The following ANKRD30B variants were observed in gnomAD, a reference collection of about 807,000 sequenced individuals.
ANKRD30B encodes the protein ankyrin repeat domain-containing protein 30B.
Under a neutral mutation model 202.2 loss-of-function variants are expected in ANKRD30B, and 144 were observed. That is an observed-to-expected ratio of 0.71 (90% CI 0.62 to 0.82). ANKRD30B has a LOEUF of 0.82. Among genes scored for constraint, ANKRD30B ranks in the 40% least tolerant of loss-of-function variants. ANKRD30B has a pLI of 0.00. For missense variants in ANKRD30B, 1,487 were observed against 1,669.1 expected, an observed-to-expected ratio of 0.89 and a Z score of 1.90; for synonymous variants, 508 against 561.3, an observed-to-expected ratio of 0.91 and a Z score of 1.34.
intron 3 of ANKRD30B, 80 bp downstream of exon 3, chr18:14,753,092 T>A: frequency 5.2e-6 from 6 of 1,143,710 alleles, no homozygotes; most frequent in Non-Finnish European, 4.7e-6. Flanking sequence ...CTTTTATATT[T>A]GGAAACACAA....
At chr18:14,869,218 C>A in the ANKRD30B span, among the ~76,000 whole-genome samples, 1 of 152,092 alleles carries the variant, frequency 6.6e-6, no homozygotes, top group Non-Finnish European at 1.5e-5. Flanking sequence ...ATTTTGTCTC[C>A]TTTTCCAGTT....
At chr18:14,834,974 T>A (rs2143124645) in intron 34 of ANKRD30B, among the ~76,000 whole-genome samples, 1 of 152,130 alleles carries the variant, frequency 6.6e-6, no homozygotes, top group South Asian at 2.1e-4. Flanking sequence ...ATTCTTTGGT[T>A]TCTGGTTTAA....
chr18:14,931,992 A>C, the ANKRD30B span, among the ~76,000 whole-genome samples: 2 of 20,266 alleles, frequency 9.9e-5, no homozygotes, highest in Non-Finnish European at 1.9e-4. Flanking sequence ...CAGGCCCCCC[A>C]CCCCACCTCC....
intron 16 of ANKRD30B, among the ~76,000 whole-genome samples, chr18:14,792,358 T>G (rs1411790900): frequency 6.6e-6 from 1 of 151,984 alleles, no homozygotes; most frequent in African/African-American, 2.4e-5. Context: ...TTGAGTATGT[T>G]TTTAGTTAGG....
At chr18:14,798,362 G>A (rs893449407) in intron 20 of ANKRD30B, among the ~76,000 whole-genome samples, 2 of 152,062 alleles carry the variant, frequency 1.3e-5, no homozygotes, top group Non-Finnish European at 1.5e-5. Flanking sequence ...ACAGTACACA[G>A]GGATAAGAAT....
chr18:14,910,600 T>C, the ANKRD30B span, among the ~76,000 whole-genome samples: 1 of 151,546 alleles, frequency 6.6e-6, no homozygotes, highest in Non-Finnish European at 1.5e-5. Flanking sequence ...AAGAGCAAGT[T>C]TTTTTTTGAT....
chr18:14,806,009 A>G (rs1294948543), intron 24 of ANKRD30B, among the ~76,000 whole-genome samples: 1 of 150,436 alleles, frequency 6.6e-6, no homozygotes, highest in Non-Finnish European at 1.5e-5. Context: ...TCACGAGGTC[A>G]GGAGATCCAG....
intron 34 of ANKRD30B, among the ~76,000 whole-genome samples, chr18:14,835,464 T>G (rs902357284): frequency 1.3e-5 from 2 of 151,652 alleles, no homozygotes; most frequent in Non-Finnish European, 3.0e-5. Flanking sequence ...CCAGGAAGCC[T>G]TATTAACTTT....
chr18:14,935,003 C>T, the ANKRD30B span, among the ~76,000 whole-genome samples: 1 of 152,150 alleles, frequency 6.6e-6, no homozygotes, highest in Non-Finnish European at 1.5e-5. Flanking sequence ...GGCCCCCTCA[C>T]AGACAGGACT....
the ANKRD30B span, among the ~76,000 whole-genome samples, chr18:14,896,959 C>A: frequency 7.3e-5 from 9 of 123,272 alleles, no homozygotes; most frequent in South Asian, 2.8e-4. Context: ...CAGTATATGC[C>A]AATTGCAAAA....
At chr18:14,873,119 C>T in the ANKRD30B span, among the ~76,000 whole-genome samples, 2 of 152,110 alleles carry the variant, frequency 1.3e-5, no homozygotes, top group African/African-American at 4.8e-5. Context: ...GGAAGAGAGC[C>T]TCAGATAGAG....
At position 14,842,965 on chromosome 18, in the gene ANKRD30B, C is replaced by T. The variant is rs371126044; in HGVS notation, c.3108+40C>T. The T allele has an allele frequency of 3.9e-4, 613 of 1,551,912 alleles. No individual in the cohort carries two copies. The South Asian group carries it at 6.2e-3, about 16-fold the overall frequency. ...AATTTTATCTTGCATTATTTATTAA[C>T]TATGTATTTTGTGAAGTACACATTC... On this transcript the variant is annotated intron_variant, in intron 38 of 43. Transcript: ENST00000690538.
intron 16 of ANKRD30B, among the ~76,000 whole-genome samples, chr18:14,794,310 A>G (rs1968728318): frequency 6.6e-6 from 1 of 151,658 alleles, no homozygotes; most frequent in Admixed American, 6.6e-5. Context: ...GGATTCCTAA[A>G]TGCCAAGTGA....
At chr18:14,776,866 C>A (rs936574624) in intron 9 of ANKRD30B, among the ~76,000 whole-genome samples, 1 of 152,100 alleles carries the variant, frequency 6.6e-6, no homozygotes, top group African/African-American at 2.4e-5. Flanking sequence ...TTGTAAAAAT[C>A]ATTCTTATTA....
chr18:14,771,982 A>G (rs1430526531), intron 8 of ANKRD30B, among the ~76,000 whole-genome samples, 174 bp from the exon 9 acceptor site: 1 of 152,196 alleles, frequency 6.6e-6, no homozygotes. Context: ...TTAAAAACAG[A>G]GGACATATTT....
chr18:14,764,068 A>T lies in ANKRD30B; in HGVS notation c.1203A>T (p.Thr401=). The T allele has an allele frequency of 1.3e-6, 2 of 1,536,512 alleles. No homozygotes were observed. The highest frequency in any genetic ancestry group is 2.3e-5 in the East Asian group (1 of 42,796). Reference sequence around the variant, plus strand: ...TGATTGCATGTCCTACAAAAGAAACATCTACAAAAGCAAGTACAAATGGTA... The same window carrying T: ...TGATTGCATGTCCTACAAAAGAAACTTCTACAAAAGCAAGTACAAATGGTA... ...SNMIACPTKE[T]STKASTNVDV... The change falls in exon 7 of 44, where the codon ACA becomes ACT. Residue 401 remains threonine (T), a synonymous_variant. Coordinates refer to ENST00000690538, the MANE Select transcript of ANKRD30B (RefSeq NM_001367607.2).
intron 8 of ANKRD30B, among the ~76,000 whole-genome samples, chr18:14,770,747 T>C (rs938892562): frequency 6.6e-6 from 1 of 152,084 alleles, no homozygotes; most frequent in African/African-American, 2.4e-5. Context: ...AAAGACGTCC[T>C]GAATAGGTCA....
chr18:14,840,204 T>G lies in ANKRD30B; in HGVS notation c.2989-384T>G, dbSNP rs529952612. Among the ~76,000 whole-genome samples the G allele has an allele frequency of 2.6e-5, 4 of 152,324 alleles. No homozygotes were observed. The East Asian group carries it at 7.7e-4, about 29-fold the overall frequency. ...AATGTGTTTTAAAAAAGATTTTTAA[T>G]AAAAAATGTGATGCTTGTCATTATT... On this transcript the variant is annotated intron_variant, in intron 36 of 43. Transcript: ENST00000690538.
the ANKRD30B span, among the ~76,000 whole-genome samples, chr18:14,932,399 C>T: frequency 2.6e-5 from 4 of 152,046 alleles, no homozygotes; most frequent in African/African-American, 9.7e-5. Context: ...TGGCGTGGCG[C>T]GATCTCGGCT....
Sources: gnomAD v4.1 joint callset for allele counts (sites outside exome capture counted in the v4.1 genomes callset) on GRCh38, gnomAD v4.1.1 for gene constraint, MANE v1.5 for transcripts, NCBI Gene and HGNC (gene_info 2026-07-23, HGNC 2026-07-21) for gene names.